Variants in AFF3 observed in about 807,000 individuals in gnomAD.
The protein encoded by AFF3 is ALF transcription elongation factor 3.
AFF3 carries 32 observed loss-of-function variants against 129.7 expected under a neutral mutation model. The ratio of observed to expected loss-of-function variants is 0.25; its 90% CI spans 0.19 to 0.33. The LOEUF (loss-of-function observed/expected upper bound fraction) is 0.33, where lower values mean the gene tolerates loss of function less well. Ranked by LOEUF, AFF3 falls within the 10% of genes least tolerant of loss-of-function variation. AFF3 has a pLI of 1.00. For synonymous variants in AFF3, 644 were observed against 635.4 expected (o/e 1.01, Z -0.20); for missense variants, 1,373 against 1,592.0 (o/e 0.86, Z 2.34).
intron 14 of AFF3, among the ~76,000 whole-genome samples, chr2:99,597,152 A>G (rs1441808046): frequency 5.3e-5 from 8 of 152,168 alleles, no homozygotes; most frequent in Admixed American, 4.6e-4. Context: ...CTCTACGGAG[A>G]CTAACTTTGT....
chr2:99,590,758 C>T (rs1281189981), intron 15 of AFF3, among the ~76,000 whole-genome samples: 2 of 151,980 alleles, frequency 1.3e-5, no homozygotes. Context: ...TTTAGGAGGC[C>T]GAGGCAGGCG....
At chr2:99,647,687 A>G (rs1684814190) in intron 13 of AFF3, among the ~76,000 whole-genome samples, 1 of 152,222 alleles carries the variant, frequency 6.6e-6, no homozygotes, top group Admixed American at 6.5e-5. Flanking sequence ...GAAAACACAC[A>G]GAGAAGGTAG....
At chr2:100,025,606 A>G (rs1455354941) in intron 4 of AFF3, among the ~76,000 whole-genome samples, 1 of 152,232 alleles carries the variant, frequency 6.6e-6, no homozygotes, top group African/African-American at 2.4e-5. Flanking sequence ...GACTAAGTAA[A>G]AAGAACAAAT....
intron 4 of AFF3, among the ~76,000 whole-genome samples, chr2:100,053,190 A>C (rs1210885269): frequency 6.6e-6 from 1 of 152,230 alleles, no homozygotes; most frequent in South Asian, 2.1e-4. Flanking sequence ...GTTTTACTCA[A>C]AAGTCAGGCT....
chr2:99,593,217 G>A lies in AFF3; in HGVS notation c.2444C>T (p.Pro815Leu). The A allele has an allele frequency of 6.3e-7, 1 of 1,590,432 alleles. No homozygotes were observed. The highest frequency in any genetic ancestry group is 1.1e-5 in the South Asian group (1 of 88,636). The change falls in exon 15 of 25, where the codon CCA (proline) becomes CTA (leucine). Residue 815 changes from proline (P) to leucine (L), a missense_variant. Around this residue, in one of 9 missense-constraint regions of AFF3, gnomAD observed 466 missense variants for 505.0 expected, o/e 0.92. Transcript: ENST00000672756. Reference sequence around the variant, plus strand: ...TACCTTGCGTTTCCTCTTGGATTTTGGCAAAGCCTTTTCTGCAGGTGTGTC... The same window carrying A: ...TACCTTGCGTTTCCTCTTGGATTTTAGCAAAGCCTTTTCTGCAGGTGTGTC... ...TSDTPAEKAL[P>L]KSKRKRKCDN...
At chr2:100,105,250 A>T in intron 3 of AFF3, 1 of 1,110,152 alleles carries the variant, frequency 9.0e-7, no homozygotes, top group Non-Finnish European at 1.1e-6. Flanking sequence ...CGGGCGGCGG[A>T]CCCGGGTGGG....
At chr2:100,029,352 G>C (rs1175955379) in intron 4 of AFF3, among the ~76,000 whole-genome samples, 2 of 152,224 alleles carry the variant, frequency 1.3e-5, no homozygotes, top group African/African-American at 4.8e-5. Context: ...AAGGCAGCAA[G>C]AGGCCATCTG....
intron 13 of AFF3, among the ~76,000 whole-genome samples, chr2:99,634,576 A>G (rs987104787): frequency 6.6e-6 from 1 of 152,064 alleles, no homozygotes; most frequent in African/African-American, 2.4e-5. Context: ...AAGGGAGCAA[A>G]ATTTGTCCTT....
In AFF3 at chr2:99,662,066, G is replaced by A. The variant is rs557673645; in HGVS notation, c.1143+10472C>T. On this transcript the variant is annotated intron_variant, in intron 12 of 24. Transcript: ENST00000672756. ...GAGGCAGGAGAATCGCTTGAACCCG[G>A]GAGGCGGAGGTTGCAGTGGGCCAAG... Among the ~76,000 whole-genome samples, 4 of 152,188 alleles carry A rather than the reference G, an allele frequency of 2.6e-5. No homozygotes were observed. In the South Asian group the frequency reaches 8.3e-4, roughly 32 times the overall value.
chr2:99,890,571 G>A (rs1009033807), intron 7 of AFF3, among the ~76,000 whole-genome samples: 7 of 152,156 alleles, frequency 4.6e-5, no homozygotes, highest in African/African-American at 1.7e-4. Context: ...AGGAGCCCCG[G>A]AGCAGGAGGA....
At chr2:100,036,304 G>C (rs1190292692) in intron 4 of AFF3, among the ~76,000 whole-genome samples, 1 of 151,816 alleles carries the variant, frequency 6.6e-6, no homozygotes, top group Admixed American at 6.6e-5. Flanking sequence ...TTGCCCACAC[G>C]TTACCCTAGC....
At chr2:99,884,856 G>A (rs1692989521) in intron 7 of AFF3, among the ~76,000 whole-genome samples, 1 of 152,142 alleles carries the variant, frequency 6.6e-6, no homozygotes, top group East Asian at 1.9e-4. Flanking sequence ...CACCATATTC[G>A]CTTCTACCAT....
intron 4 of AFF3, among the ~76,000 whole-genome samples, chr2:100,078,949 T>C (rs573886434): frequency 6.7e-5 from 10 of 150,302 alleles, no homozygotes; most frequent in Non-Finnish European, 1.3e-4. Context: ...ATTTTCTTTT[T>C]TTTTTTTTTT....
Position 99,634,372 on chromosome 2 carries a change from C to T in AFF3, c.1184+15254G>A, listed in dbSNP as rs1223506612. 4.6e-5 allele frequency among the ~76,000 whole-genome samples: 7 copies of T among 152,312 alleles called. No individual in the cohort carries two copies. The South Asian group carries it at 1.2e-3, about 27-fold the overall frequency. ...AAGCTGTGGCTTGGCAGAGCCAAGG[C>T]TTGAAGGGGACCCAGGAAATCACTG... On this transcript the variant is annotated intron_variant, in intron 13 of 24. Coordinates refer to ENST00000672756, the MANE Select transcript of AFF3 (RefSeq NM_001386135.1).
chr2:100,120,225 A>G (rs1691902524), intron 2 of AFF3, among the ~76,000 whole-genome samples: 1 of 152,182 alleles, frequency 6.6e-6, no homozygotes. Flanking sequence ...GCCCAGCTAG[A>G]ATATGTATTT....
chr2:100,119,806 A>G (rs964431938), intron 2 of AFF3, among the ~76,000 whole-genome samples: 7 of 152,252 alleles, frequency 4.6e-5, no homozygotes, highest in Non-Finnish European at 1.0e-4. Context: ...GCTCCCCCAC[A>G]TAGAATACTT....
At chr2:99,579,727 T>C (rs575267320) in intron 17 of AFF3, among the ~76,000 whole-genome samples, 2 of 136,418 alleles carry the variant, frequency 1.5e-5, no homozygotes, top group South Asian at 4.3e-4. Context: ...CAAATATATA[T>C]GTATACATAT....
intron 7 of AFF3, among the ~76,000 whole-genome samples, chr2:99,968,244 C>T (rs753188925): frequency 4.6e-5 from 7 of 152,186 alleles, no homozygotes; most frequent in Non-Finnish European, 8.8e-5. Flanking sequence ...GCTTTAGTGC[C>T]TCCCACTTGC....
intron 7 of AFF3, among the ~76,000 whole-genome samples, chr2:99,943,784 A>C (rs1292181465): frequency 6.6e-6 from 1 of 152,156 alleles, no homozygotes; most frequent in African/African-American, 2.4e-5. Context: ...TCTCCTCTCT[A>C]ACAATGGAGC....
Sources: gnomAD v4.1 joint callset for allele counts (sites outside exome capture counted in the v4.1 genomes callset) on GRCh38, gnomAD v4.1.1 for gene constraint, gnomAD v4.1.1 regional missense constraint, MANE v1.5 for transcripts, NCBI Gene and HGNC (gene_info 2026-07-23, HGNC 2026-07-21) for gene names.